Variants in TENM3 observed in about 807,000 individuals in gnomAD.
TENM3 encodes teneurin-3.
In TENM3, 63 loss-of-function variants were observed where a neutral mutation model predicts 255.1. The observed-to-expected ratio is 0.25, with a 90% confidence interval of 0.20 to 0.30. The LOEUF (loss-of-function observed/expected upper bound fraction) is 0.30. Ranked by LOEUF, TENM3 falls within the 10% of genes least tolerant of loss-of-function variation. TENM3 has a pLI of 1.00. For synonymous variants in TENM3, 1,306 were observed against 1,322.3 expected (o/e 0.99, Z 0.27); for missense variants, 2,929 against 3,461.1 (o/e 0.85, Z 3.86).
chr4:181,503,140 T>C, the TENM3 span, among the ~76,000 whole-genome samples: 1 of 151,552 alleles, frequency 6.6e-6, no homozygotes, highest in Non-Finnish European at 1.5e-5. Context: ...AGGTGGGAGG[T>C]CCCACCTTGA....
intron 12 of TENM3, among the ~76,000 whole-genome samples, chr4:182,708,989 G>A (rs1284560879): frequency 1.3e-5 from 2 of 151,814 alleles, no homozygotes; most frequent in Non-Finnish European, 2.9e-5. Flanking sequence ...GTTTTTTGTG[G>A]TTTTTTATTT....
At chr4:181,787,340 CTTT>C in the TENM3 span, among the ~76,000 whole-genome samples, 4 of 141,388 alleles carry the variant, frequency 2.8e-5, no homozygotes, top group Admixed American at 7.1e-5. Context: ...CTACATCCAT[CTTT>C]TTTTTTTTTT....
intron 3 of TENM3, among the ~76,000 whole-genome samples, chr4:182,547,518 C>T (rs1741563638): frequency 6.6e-6 from 1 of 151,884 alleles, no homozygotes; most frequent in Non-Finnish European, 1.5e-5. Context: ...TCATCTGGTC[C>T]ATCAGTTATT....
chr4:181,546,938 C>T, the TENM3 span, among the ~76,000 whole-genome samples: 2 of 152,032 alleles, frequency 1.3e-5, no homozygotes, highest in African/African-American at 4.8e-5. Flanking sequence ...GCTCTTGCTA[C>T]TTCACATTTC....
At chr4:182,106,875 G>A in the TENM3 span, among the ~76,000 whole-genome samples, 1 of 152,134 alleles carries the variant, frequency 6.6e-6, no homozygotes, top group Non-Finnish European at 1.5e-5. Context: ...GGGACACCAA[G>A]GGTGAGATAA....
chr4:182,274,533 G>A (rs1358165311), intron 1 of TENM3, among the ~76,000 whole-genome samples: 1 of 152,172 alleles, frequency 6.6e-6, no homozygotes, highest in African/African-American at 2.4e-5. Context: ...AGTGAGGAGG[G>A]TGAGTTTGAC....
At chr4:182,058,888 C>T in the TENM3 span, among the ~76,000 whole-genome samples, 2 of 150,840 alleles carry the variant, frequency 1.3e-5, no homozygotes, top group Non-Finnish European at 2.9e-5. Flanking sequence ...AATTTGAAAT[C>T]AGCTTTTACT....
chr4:182,392,730 G>C (rs908012270), intron 3 of TENM3, among the ~76,000 whole-genome samples: 1 of 152,148 alleles, frequency 6.6e-6, no homozygotes, highest in East Asian at 1.9e-4. Flanking sequence ...AATAGAGGCA[G>C]GCTAAAGAGA....
At chr4:181,761,144 G>A in the TENM3 span, among the ~76,000 whole-genome samples, 1 of 151,972 alleles carries the variant, frequency 6.6e-6, no homozygotes, top group Non-Finnish European at 1.5e-5. Flanking sequence ...AGAGTTCACG[G>A]TTTTATTGAT....
chr4:182,487,036 A>G (rs1275042018), intron 3 of TENM3, among the ~76,000 whole-genome samples: 1 of 152,178 alleles, frequency 6.6e-6, no homozygotes, highest in Non-Finnish European at 1.5e-5. Context: ...ACTCGGTATC[A>G]TAACTTTGTT....
At position 182,406,980 on chromosome 4, in the gene TENM3, C is replaced by A. The variant is rs191498538; in HGVS notation, c.511+60051C>A. ...AAGGCGGGAAACTAAAGAATGCTAA[C>A]CTTACGTCCAGAATGCTGTTTGCTC... On this transcript the variant is annotated intron_variant, in intron 3 of 27. Coordinates refer to ENST00000511685, the MANE Select transcript of TENM3 (RefSeq NM_001080477.4). Among the ~76,000 whole-genome samples the A allele has an allele frequency of 7.0e-4, 107 of 152,282 alleles. No individual in the cohort carries two copies. In the Middle Eastern group the frequency reaches 0.01, roughly 15 times the overall value.
At chr4:182,521,859 A>C (rs193137149) in intron 3 of TENM3, among the ~76,000 whole-genome samples, 1 of 152,246 alleles carries the variant, frequency 6.6e-6, no homozygotes, top group African/African-American at 2.4e-5. Context: ...CTGATTCGTT[A>C]GAGTCAAGAT....
intron 1 of TENM3, among the ~76,000 whole-genome samples, chr4:182,313,320 TTTA>T (rs1215585391): frequency 6.6e-6 from 1 of 151,832 alleles, no homozygotes; most frequent in Non-Finnish European, 1.5e-5. Flanking sequence ...TTCTATATAT[TTTA>T]TTACCTAAAT....
intron 2 of TENM3, among the ~76,000 whole-genome samples, chr4:182,330,784 C>T (rs900730762): frequency 2.0e-5 from 3 of 152,124 alleles, no homozygotes; most frequent in Non-Finnish European, 2.9e-5. Context: ...AAATCTCAAA[C>T]GATGATTACA....
At chr4:182,406,577 G>C (rs1455769298) in intron 3 of TENM3, among the ~76,000 whole-genome samples, 2 of 152,190 alleles carry the variant, frequency 1.3e-5, no homozygotes, top group African/African-American at 4.8e-5. Context: ...GGAGAATTTA[G>C]AGGACAAGTT....
chr4:182,397,358 A>C (rs912789424), intron 3 of TENM3, among the ~76,000 whole-genome samples: 2 of 139,766 alleles, frequency 1.4e-5, no homozygotes, highest in Admixed American at 8.1e-5. Flanking sequence ...CCGAGATCGC[A>C]CCACTGCACT....
chr4:182,237,375 C>CTTTTTTTTTTTTTTT (rs57257112), intron 1 of TENM3, among the ~76,000 whole-genome samples: 1 of 148,132 alleles, frequency 6.8e-6, no homozygotes, highest in Non-Finnish European at 1.5e-5. Flanking sequence ...ATTCTGTTTT[C>CTTTTTTTTTTTTTTT]TTTTTTTTGA....
the TENM3 span, among the ~76,000 whole-genome samples, chr4:181,481,268 A>G: frequency 6.6e-6 from 1 of 152,032 alleles, no homozygotes; most frequent in East Asian, 1.9e-4. Context: ...ATTTCCTCCC[A>G]CTACCATCTC....
At chr4:182,148,304 C>G (rs183608717) in intron 1 of TENM3, among the ~76,000 whole-genome samples, 1 of 152,244 alleles carries the variant, frequency 6.6e-6, no homozygotes, top group Non-Finnish European at 1.5e-5. Flanking sequence ...ACTTCTCCAT[C>G]TTGAAAAGTC....
Sources: gnomAD v4.1 joint callset for allele counts (sites outside exome capture counted in the v4.1 genomes callset) on GRCh38, gnomAD v4.1.1 for gene constraint, MANE v1.5 for transcripts, NCBI Gene and HGNC (gene_info 2026-07-23, HGNC 2026-07-21) for gene names.